SIM2: variants seen among roughly 807,000 people sequenced by gnomAD.
The protein encoded by SIM2 is SIM bHLH transcription factor 2.
In SIM2, 28 loss-of-function variants were observed where a neutral mutation model predicts 64.8. The ratio of observed to expected loss-of-function variants is 0.43; its 90% CI spans 0.32 to 0.59. The LOEUF (loss-of-function observed/expected upper bound fraction) is 0.59. SIM2 is among the 20% of genes least tolerant of loss of function. SIM2 has a pLI of 0.07. For synonymous variants in SIM2, 408 were observed against 391.1 expected, an observed-to-expected ratio of 1.04 and a Z score of -0.51; for missense variants, 847 against 871.4, an observed-to-expected ratio of 0.97 and a Z score of 0.35.
At chr21:36,735,577 C>T (rs1442931441) in intron 7 of SIM2, among the ~76,000 whole-genome samples, 1 of 147,300 alleles carries the variant, frequency 6.8e-6, no homozygotes, top group African/African-American at 2.5e-5. Context: ...AGCTGCTGCT[C>T]TCCTCTTGGG....
chr21:36,728,247 C>G (rs544158789), intron 6 of SIM2, among the ~76,000 whole-genome samples: 1 of 152,322 alleles, frequency 6.6e-6, no homozygotes, highest in East Asian at 1.9e-4. Flanking sequence ...CTGGTTTCCC[C>G]CTTGTTTCGT....
intron 7 of SIM2, 99 bp from the exon 8 acceptor site, chr21:36,741,618 C>A: frequency 7.1e-7 from 1 of 1,411,184 alleles, no homozygotes; most frequent in Non-Finnish European, 9.8e-7. Context: ...TTGTCAAGTT[C>A]TCAGAGGTGT....
intron 7 of SIM2, among the ~76,000 whole-genome samples, chr21:36,735,597 C>T (rs148599079): frequency 1.3e-5 from 2 of 152,262 alleles, no homozygotes; most frequent in African/African-American, 4.8e-5. Flanking sequence ...GGACATGTGC[C>T]CCACTGCTGC....
chr21:36,745,860 C>T lies in SIM2; in HGVS notation c.1576+724C>T, dbSNP rs1240126909. 8 of 1,303,022 alleles carry T rather than the reference C, an allele frequency of 6.1e-6. No individual in the cohort carries two copies. The highest frequency in any genetic ancestry group is 1.1e-4 in the East Asian group (2 of 17,984). The allele number at this position is 1,303,022 out of a possible 1,614,324, so 80.7% of individuals were successfully genotyped here. A position where few individuals can be genotyped will look rare whatever the true frequency, so the allele number is the denominator to read the frequency against. On this transcript the variant is annotated intron_variant, in intron 10 of 10. Transcript: ENST00000290399. This position sits in a 1 kb window ranked among gnomAD's most constrained non-coding sequence, Gnocchi z 4.8. ...GGACGCAGACTGACTCCTGTTTGCT[C>T]GCTGGACCAACCCCAGGCAGAAGGT...
At chr21:36,709,513 G>A (rs2088645164) in intron 2 of SIM2, 1 of 629,310 alleles carries the variant, frequency 1.6e-6, no homozygotes, top group Admixed American at 2.2e-5. Flanking sequence ...TGAGACCTAC[G>A]CCAGGGGCGC....
intron 7 of SIM2, among the ~76,000 whole-genome samples, chr21:36,736,407 C>T (rs61433874): frequency 0.012 from 1,857 of 152,280 alleles, 33 homozygotes; most frequent in African/African-American, 0.043. Flanking sequence ...TCCGGGAGGG[C>T]CAGACAGCCC....
At chr21:36,743,721 G>A (rs1041750082) in intron 9 of SIM2, among the ~76,000 whole-genome samples, 166 bp downstream of exon 9, 3 of 152,150 alleles carry the variant, frequency 2.0e-5, no homozygotes, top group Non-Finnish European at 4.4e-5. Context: ...TGACAGCCCG[G>A]GGAAGGCCGA....
At chr21:36,716,036 G>A (rs930592278) in intron 3 of SIM2, among the ~76,000 whole-genome samples, 23 of 152,194 alleles carry the variant, frequency 1.5e-4, no homozygotes, top group African/African-American at 5.3e-4. Context: ...CAGTAGAGAG[G>A]CAGGCTTTCA....
At chr21:36,733,241 A>T (rs191662237) in intron 7 of SIM2, among the ~76,000 whole-genome samples, 6 of 152,014 alleles carry the variant, frequency 3.9e-5, no homozygotes, top group Non-Finnish European at 8.8e-5. Context: ...TTTTTTTTTA[A>T]TGAGATGGAG....
At chr21:36,739,438 C>A (rs1046559923) in intron 7 of SIM2, among the ~76,000 whole-genome samples, 1 of 152,170 alleles carries the variant, frequency 6.6e-6, no homozygotes, top group Non-Finnish European at 1.5e-5. Flanking sequence ...TCACACATTT[C>A]CCATAATATA....
chr21:36,704,618 G>A (rs904907066), intron 1 of SIM2, among the ~76,000 whole-genome samples: 1 of 152,234 alleles, frequency 6.6e-6, no homozygotes, highest in Admixed American at 6.5e-5. Context: ...GGGCGGAAAG[G>A]GAGCCTCCGG....
intron 7 of SIM2, among the ~76,000 whole-genome samples, chr21:36,735,797 AG>A (rs1236390861): frequency 2.0e-5 from 3 of 152,206 alleles, no homozygotes; most frequent in African/African-American, 7.2e-5. Flanking sequence ...CCCATATTAT[AG>A]CTGCAGAGGC....
At chr21:36,736,753 C>CT (rs530402495) in intron 7 of SIM2, among the ~76,000 whole-genome samples, 9,389 of 150,024 alleles carry the variant, frequency 0.063, 830 homozygotes, top group African/African-American at 0.19. Context: ...CTTTCCTTTC[C>CT]TCCCTCCCTC....
intron 3 of SIM2, among the ~76,000 whole-genome samples, chr21:36,712,981 C>T (rs879058157): frequency 3.3e-5 from 5 of 152,124 alleles, no homozygotes; most frequent in South Asian, 2.1e-4. Flanking sequence ...CTGGTCTGCA[C>T]GTTACGGTAT....
intron 7 of SIM2, among the ~76,000 whole-genome samples, chr21:36,734,718 C>T (rs1046340941): frequency 6.6e-6 from 1 of 152,224 alleles, no homozygotes; most frequent in East Asian, 1.9e-4. Flanking sequence ...ATGTCACACG[C>T]CTCTCCAAAG....
At chr21:36,727,552 T>C (rs975085906) in intron 6 of SIM2, among the ~76,000 whole-genome samples, 6 of 152,036 alleles carry the variant, frequency 3.9e-5, no homozygotes, top group African/African-American at 1.2e-4. Flanking sequence ...CTAGGAAAGA[T>C]GAGATTAGAT....
Position 36,748,508 on chromosome 21 carries a change from A to C in SIM2, c.*416A>C, listed in dbSNP as rs2089269293. The C allele has an allele frequency of 1.3e-5, 2 of 152,408 alleles. No individual in the cohort carries two copies. The highest frequency in any genetic ancestry group is 4.8e-5 in the African/African-American group (2 of 41,492). 9.4% of individuals were successfully genotyped at this position (152,408 alleles called of 1,614,324 possible). A position where few individuals can be genotyped will look rare whatever the true frequency, so the allele number is the denominator to read the frequency against. On this transcript the variant is annotated 3_prime_UTR_variant, in exon 11 of 11. Coordinates refer to ENST00000290399, the MANE Select transcript of SIM2 (RefSeq NM_005069.6). The stretch of plus-strand genomic sequence containing the variant: ...CAGTCCGCTCTTCCAAGTGGACGGC[A>C]GACCTGGGAGGGGACGCCTGTGTCA...
chr21:36,734,709 T>G (rs1250870921), intron 7 of SIM2, among the ~76,000 whole-genome samples: 1 of 152,164 alleles, frequency 6.6e-6, no homozygotes, highest in East Asian at 1.9e-4. Flanking sequence ...TCAACTGGAA[T>G]GTCACACGCC....
chr21:36,743,690 G>A (rs2089193278), intron 9 of SIM2, 135 bp downstream of exon 9: 1 of 876,194 alleles, frequency 1.1e-6, no homozygotes, highest in South Asian at 1.8e-5. Context: ...GTCCCTCTGG[G>A]ATGTCTTGCC....
Sources: gnomAD v4.1 joint callset for allele counts (sites outside exome capture counted in the v4.1 genomes callset) on GRCh38, gnomAD v4.1.1 for gene constraint, Gnocchi (gnomAD v3.1) non-coding constraint, MANE v1.5 for transcripts, NCBI Gene and HGNC (gene_info 2026-07-23, HGNC 2026-07-21) for gene names.